ACAA1: variants seen among roughly 807,000 people sequenced by gnomAD.
The protein encoded by ACAA1 is 3-ketoacyl-CoA thiolase, peroxisomal.
Under a neutral mutation model 48.8 loss-of-function variants are expected in ACAA1, and 44 were observed. The ratio of observed to expected loss-of-function variants is 0.90; its 90% CI spans 0.71 to 1.16. The LOEUF is 1.16. Among genes scored for constraint, ACAA1 ranks in the 50% most tolerant of loss-of-function variants. The pLI is 0.00. For missense variants in ACAA1, 512 were observed against 562.3 expected (o/e 0.91, Z 0.90); for synonymous variants, 233 against 226.5 (o/e 1.03, Z -0.26).
rs1256933985 is a variant in ACAA1, at chr3:38,123,102, A to G, written c.1220T>C (p.Met407Thr). The G allele has an allele frequency of 6.2e-7, 1 of 1,614,220 alleles. No homozygotes were observed. Among genetic ancestry groups the G allele is most frequent in the Non-Finnish European group, 8.5e-7 (1 of 1,180,044 alleles). The change falls in exon 12 of 12, where the codon ATG becomes ACG. Residue 407 changes from methionine (M) to threonine (T), a missense_variant. Physicochemically the swap from Met to Thr is moderately conservative, Grantham distance 81. Coordinates refer to ENST00000333167, the MANE Select transcript of ACAA1 (RefSeq NM_001607.4). ...RGKRAYGVVS[M>T]CIGTGMGAAA... ...GGCTCCCATTCCAGTCCCGATGCAC[A>G]TGGACACCACTCCGTATGCCCTGTG...
chr3:38,134,405 G>T lies in ACAA1; in HGVS notation c.266-396C>A, dbSNP rs558977598. The T allele has an allele frequency of 6.3e-5, 27 of 428,230 alleles. No homozygotes were observed. In the East Asian group the frequency reaches 1.7e-3, roughly 26 times the overall value. The allele number at this position is 428,230 out of a possible 1,614,324, so 26.5% of individuals were successfully genotyped here. A position where few individuals can be genotyped will look rare whatever the true frequency, so the allele number is the denominator to read the frequency against. On this transcript the variant is annotated intron_variant, in intron 2 of 11. Transcript: ENST00000333167. Reference sequence around the variant, plus strand: ...GATTGCCGACCTAGGGGTGGCATCCGCTGGATAAGACTCTTGCCATATCAT... The same window carrying T: ...GATTGCCGACCTAGGGGTGGCATCCTCTGGATAAGACTCTTGCCATATCAT...
rs375002308 is a variant in ACAA1, at chr3:38,123,115, C to T, written c.1207G>A (p.Gly403Arg). 28 of 1,614,146 alleles carry T rather than the reference C, an allele frequency of 1.7e-5. No individual in the cohort carries two copies. Among genetic ancestry groups the T allele is most frequent in the East Asian group, 6.7e-5 (3 of 44,878 alleles). ...ELKRRGKRAY[G>R]VVSMCIGTGM... is the part of the protein sequence containing the mutation. ...GTCCCGATGCACATGGACACCACTCCGTATGCCCTGTGAAAACAAAACTTA... is the reference window on the plus strand; with the variant it reads ...GTCCCGATGCACATGGACACCACTCTGTATGCCCTGTGAAAACAAAACTTA... Residue 403 changes from glycine to arginine, a missense_variant, in exon 12 of 12, where the codon GGA becomes AGA. Transcript: ENST00000333167.
Position 38,126,587 on chromosome 3 carries a change from C to G in ACAA1, c.740G>C (p.Gly247Ala). 1 of 1,614,150 alleles carries G rather than the reference C, an allele frequency of 6.2e-7. No individual in the cohort carries two copies. The highest frequency in any genetic ancestry group is 8.5e-7 in the Non-Finnish European group (1 of 1,180,040). ...CTCCATGGTGGTGCTGGGGCGGATA[C>G]CCTCATCCTGGGTCACAGTGATGCT... Reference protein sequence around the residue: ...KRSITVTQDEGIRPSTTMEGL... With the variant: ...KRSITVTQDEAIRPSTTMEGL... Residue 247 changes from glycine (G) to alanine (A), a missense_variant, in exon 8 of 12, where the codon GGT becomes GCT. Physicochemically the swap from Gly to Ala is moderately conservative, Grantham distance 60. Transcript: ENST00000333167. The surrounding 1 kb of genome is among the most constrained non-coding windows in gnomAD (Gnocchi z 4.7).
Position 38,137,086 on chromosome 3 carries a change from A to G in ACAA1, c.-51T>C. 1 of 1,443,198 alleles carries G rather than the reference A, an allele frequency of 6.9e-7. No homozygotes were observed. Among genetic ancestry groups the G allele is most frequent in the African/African-American group, 1.5e-5 (1 of 67,220 alleles). 89.4% of individuals were successfully genotyped at this position (1,443,198 alleles called of 1,614,324 possible). ...CCACCAGTCCGGGAACTGACCGCGG[A>G]GTTAACAGACAGCCGTCCGCACACG... is the stretch of plus-strand genomic sequence containing the variant. On this transcript the variant is annotated 5_prime_UTR_variant, in exon 1 of 12. Coordinates refer to ENST00000333167, the MANE Select transcript of ACAA1 (RefSeq NM_001607.4).
intron 2 of ACAA1, among the ~76,000 whole-genome samples, chr3:38,134,915 GA>G (rs1231555646): frequency 6.6e-6 from 1 of 151,884 alleles, no homozygotes; most frequent in Non-Finnish European, 1.5e-5. Context: ...CTGTGCTGAG[GA>G]GGATTAGTAA....
At chr3:38,135,991 G>A (rs1293640465) in intron 2 of ACAA1, among the ~76,000 whole-genome samples, 1 of 152,246 alleles carries the variant, frequency 6.6e-6, no homozygotes, top group Admixed American at 6.5e-5. Context: ...AGGTCCCTGC[G>A]GCCTTTCGCA....
Position 38,125,652 on chromosome 3 carries a change from C to G in ACAA1, c.1112G>C (p.Gly371Ala). The change falls in exon 11 of 12, where the codon GGT (glycine) becomes GCT (alanine). Residue 371 changes from glycine (G) to alanine (A), a missense_variant. By Grantham distance (60) the Gly-to-Ala change is moderately conservative (BLOSUM62 0). Coordinates refer to ENST00000333167, the MANE Select transcript of ACAA1 (RefSeq NM_001607.4). ...LPPEKVNPLG[G>A]AVALGHPLGC... ...CAGTGGGTGCCCTAAGGCCACTGCA[C>G]CCCCCAGGGGGTTCACCTTCTCAGG... is the stretch of plus-strand genomic sequence containing the variant. 6.3e-7 allele frequency: 1 copy of G among 1,597,550 alleles called. No individual in the cohort carries two copies. The highest frequency in any genetic ancestry group is 8.5e-7 in the Non-Finnish European group (1 of 1,170,772).
chr3:38,129,442 T>A lies in ACAA1; in HGVS notation c.447-54A>T. On this transcript the variant is annotated intron_variant, in intron 5 of 11. Coordinates refer to ENST00000333167, the MANE Select transcript of ACAA1 (RefSeq NM_001607.4). The surrounding 1 kb of genome is among the most constrained non-coding windows in gnomAD (Gnocchi z 5.3). ...AAGGTGAACTGGGCCCTAGCAGGACTCCTCCAGAGATAGCTGAACACTTGG... is the reference window on the plus strand; with the variant it reads ...AAGGTGAACTGGGCCCTAGCAGGACACCTCCAGAGATAGCTGAACACTTGG... 1 of 1,389,022 alleles carries A rather than the reference T, an allele frequency of 7.2e-7. No individual in the cohort carries two copies. Among genetic ancestry groups the A allele is most frequent in the Non-Finnish European group, 1.0e-6 (1 of 981,288 alleles). 86.0% of individuals were successfully genotyped at this position (1,389,022 alleles called of 1,614,324 possible). A position where few individuals can be genotyped will look rare whatever the true frequency, so the allele number is the denominator to read the frequency against.
intron 3 of ACAA1, chr3:38,132,488 C>T (rs1700809043): frequency 6.4e-6 from 1 of 155,604 alleles, no homozygotes; most frequent in South Asian, 1.9e-4. Flanking sequence ...GCTAACCCTG[C>T]ATGTTCCCAT....
chr3:38,136,707 C>T (rs1255545923), intron 1 of ACAA1, 22 bp from the exon 2 acceptor site: 2 of 1,589,236 alleles, frequency 1.3e-6, no homozygotes, highest in Non-Finnish European at 1.7e-6. Context: ...AGAGCAGCCG[C>T]AGTGACCCCC....
Position 38,126,143 on chromosome 3 carries a change from T to C in ACAA1, c.997+19A>G, listed in dbSNP as rs747765792. 1 of 1,610,578 alleles carries C rather than the reference T, an allele frequency of 6.2e-7. No individual in the cohort carries two copies. Among genetic ancestry groups the C allele is most frequent in the Non-Finnish European group, 8.5e-7 (1 of 1,178,080 alleles). ...GGATCCAGGTGGGACCCAGATACTA[T>C]ATGAAGGAGCCACCTTACCTGCTTT... On this transcript the variant is annotated intron_variant, in intron 9 of 11. Coordinates refer to ENST00000333167, the MANE Select transcript of ACAA1 (RefSeq NM_001607.4). The surrounding 1 kb of genome is among the most constrained non-coding windows in gnomAD (Gnocchi z 4.7).
chr3:38,127,986 G>C, intron 6 of ACAA1, 120 bp from the exon 7 acceptor site: 1 of 900,582 alleles, frequency 1.1e-6, no homozygotes, highest in Non-Finnish European at 1.8e-6. Flanking sequence ...CAGGATGTAA[G>C]GGCCAGTCCA....
chr3:38,134,137 G>T, intron 2 of ACAA1, 128 bp from the exon 3 acceptor site: 1 of 877,738 alleles, frequency 1.1e-6, no homozygotes, highest in Non-Finnish European at 1.8e-6. Flanking sequence ...AGGCTCACTT[G>T]CAACTCTGGA....
At chr3:38,131,507 C>T in intron 5 of ACAA1, 89 bp downstream of exon 5, 3 of 1,412,924 alleles carry the variant, frequency 2.1e-6, no homozygotes, top group Non-Finnish European at 3.0e-6. Context: ...TGGGGGGAAT[C>T]CTGAAATCAT....
At chr3:38,134,889 G>A (rs748045509) in intron 2 of ACAA1, among the ~76,000 whole-genome samples, 8 of 152,086 alleles carry the variant, frequency 5.3e-5, no homozygotes, top group African/African-American at 7.2e-5. Context: ...CCCCCAGCCC[G>A]ACACCTGTAA....
Position 38,137,119 on chromosome 3 carries a change from C to T in ACAA1, c.-84G>A. On this transcript the variant is annotated 5_prime_UTR_variant, in exon 1 of 12. An upstream open reading frame in the 5' UTR gains an earlier in-frame stop. Transcript: ENST00000333167. ...GACAGCCGTCCGCACACGCGCAGAA[C>T]CACATCTCAGCCTCCAAGGCCTCAA... 2 of 1,157,038 alleles carry T rather than the reference C, an allele frequency of 1.7e-6. No individual in the cohort carries two copies. The highest frequency in any genetic ancestry group is 2.4e-6 in the Non-Finnish European group (2 of 835,338). 71.7% of individuals were successfully genotyped at this position (1,157,038 alleles called of 1,614,324 possible).
intron 3 of ACAA1, among the ~76,000 whole-genome samples, chr3:38,133,277 C>T (rs954967058): frequency 6.6e-6 from 1 of 152,094 alleles, no homozygotes; most frequent in African/African-American, 2.4e-5. Flanking sequence ...GGTGAGTAAG[C>T]AGCTAGGAGA....
At position 38,126,443 on chromosome 3, in the gene ACAA1, C is replaced by T. The variant is rs1175907208; in HGVS notation, c.817+67G>A. ...AGAGGGGCCTGGTCTATTCCAGGTTCCCAGAGTACAGCACCCAGCATGGCC... is the reference window on the plus strand; with the variant it reads ...AGAGGGGCCTGGTCTATTCCAGGTTTCCAGAGTACAGCACCCAGCATGGCC... On this transcript the variant is annotated intron_variant, in intron 8 of 11. Coordinates refer to ENST00000333167, the MANE Select transcript of ACAA1 (RefSeq NM_001607.4). The surrounding 1 kb of genome is among the most constrained non-coding windows in gnomAD (Gnocchi z 4.7). The T allele has an allele frequency of 2.5e-6, 4 of 1,611,200 alleles. No homozygotes were observed. Among genetic ancestry groups the T allele is most frequent in the African/African-American group, 1.3e-5 (1 of 74,958 alleles).
At chr3:38,125,482 C>A (rs1272343395) in intron 11 of ACAA1, 83 bp downstream of exon 11, 1 of 1,475,020 alleles carries the variant, frequency 6.8e-7, no homozygotes, top group African/African-American at 1.4e-5. Context: ...TGATCCAAAG[C>A]CCACCTACCT....
Sources: gnomAD v4.1 joint callset for allele counts (sites outside exome capture counted in the v4.1 genomes callset) on GRCh38, gnomAD v4.1.1 for gene constraint, Gnocchi (gnomAD v3.1) non-coding constraint, MANE v1.5 for transcripts, NCBI Gene and HGNC (gene_info 2026-07-23, HGNC 2026-07-21) for gene names.